Variants in RASEF observed in about 807,000 individuals in gnomAD.
RASEF encodes the protein RAS and EF-hand domain containing.
RASEF carries 68 observed loss-of-function variants against 90.1 expected under a neutral mutation model. That is an observed-to-expected ratio of 0.75 (90% CI 0.62 to 0.92). The LOEUF is 0.92. RASEF is among the 40% of genes least tolerant of loss of function. The probability of loss-of-function intolerance (pLI) is 0.00; values close to 1 mark genes in which losing one functional copy is unlikely to be tolerated. For missense variants in RASEF, 949 were observed against 937.2 expected (o/e 1.01, Z -0.16); for synonymous variants, 331 against 345.2 (o/e 0.96, Z 0.46).
At chr9:83,140,602 G>T in the RASEF span, among the ~76,000 whole-genome samples, 1 of 152,104 alleles carries the variant, frequency 6.6e-6, no homozygotes, top group African/African-American at 2.4e-5. Flanking sequence ...GGTCCTATCA[G>T]CTGGCAAACA....
chr9:82,999,591 G>T (rs888211419), intron 12 of RASEF, among the ~76,000 whole-genome samples: 1 of 151,776 alleles, frequency 6.6e-6, no homozygotes, highest in Non-Finnish European at 1.5e-5. Flanking sequence ...CATCTGATTG[G>T]CTAAGCAGAT....
chr9:83,131,386 C>T, the RASEF span, among the ~76,000 whole-genome samples: 86 of 152,280 alleles, frequency 5.6e-4, no homozygotes, highest in African/African-American at 2.0e-3. Context: ...ATCCAAAAGG[C>T]AGACTTGAGG....
intron 5 of RASEF, among the ~76,000 whole-genome samples, chr9:83,010,416 A>G (rs902549556): frequency 6.6e-6 from 1 of 152,206 alleles, no homozygotes; most frequent in Middle Eastern, 3.2e-3. Flanking sequence ...ATGCACTTCT[A>G]GAAAGTGGAA....
At chr9:83,211,153 T>A in the RASEF span, among the ~76,000 whole-genome samples, 1 of 152,334 alleles carries the variant, frequency 6.6e-6, no homozygotes, top group Non-Finnish European at 1.5e-5. Context: ...TTGCCATGCC[T>A]CTTTAGTCTC....
At chr9:83,113,530 A>C in the RASEF span, among the ~76,000 whole-genome samples, 3 of 152,222 alleles carry the variant, frequency 2.0e-5, no homozygotes, top group Non-Finnish European at 2.9e-5. Context: ...TTCTTCTTGC[A>C]GAAAGCTTAT....
chr9:82,990,718 T>C (rs1190098674), intron 15 of RASEF, among the ~76,000 whole-genome samples: 1 of 152,172 alleles, frequency 6.6e-6, no homozygotes, highest in African/African-American at 2.4e-5. Context: ...TGTTTGAAGG[T>C]TTTTATTTCC....
chr9:83,185,435 C>T, the RASEF span, among the ~76,000 whole-genome samples: 401 of 151,434 alleles, frequency 2.6e-3, no homozygotes, highest in African/African-American at 9.2e-3. Flanking sequence ...GATCCTCCTG[C>T]CTTAGCCTTC....
chr9:83,132,671 T>C, the RASEF span, among the ~76,000 whole-genome samples: 1 of 152,206 alleles, frequency 6.6e-6, no homozygotes, highest in South Asian at 2.1e-4. Flanking sequence ...ATGAGCATGT[T>C]CATCTTCAAG....
At chr9:83,005,330 C>T (rs1829109518) in intron 8 of RASEF, 86 bp downstream of exon 8, 4 of 960,174 alleles carry the variant, frequency 4.2e-6, no homozygotes, top group Non-Finnish European at 6.7e-6. Context: ...TGAGGCTCTC[C>T]TTTAAGAAAT....
At chr9:83,005,570 C>G in intron 7 of RASEF, 70 bp from the exon 8 acceptor site, 1 of 1,128,602 alleles carries the variant, frequency 8.9e-7, no homozygotes, top group Non-Finnish European at 1.4e-6. Context: ...TCATCACTTT[C>G]TTTTCTAGCT....
the RASEF span, among the ~76,000 whole-genome samples, chr9:83,186,127 T>C: frequency 6.6e-6 from 1 of 152,184 alleles, no homozygotes; most frequent in Non-Finnish European, 1.5e-5. Context: ...TGGCTGTGTT[T>C]CTGTAAAATT....
the RASEF span, among the ~76,000 whole-genome samples, chr9:83,160,453 G>C: frequency 6.6e-6 from 1 of 152,178 alleles, no homozygotes; most frequent in Admixed American, 6.5e-5. Flanking sequence ...TTGAACTTGA[G>C]AGAGATGATT....
At position 82,980,723 on chromosome 9, in the gene RASEF, A is replaced by C. The variant is rs1192804399; in HGVS notation, c.*1954T>G. ...CCAATGTCATCAAAAGATGCCACTA[A>C]GACAAACAGCCATGGCAAAAGTTTT... is the stretch of plus-strand genomic sequence containing the variant. On this transcript the variant is annotated 3_prime_UTR_variant, in exon 17 of 17. Coordinates refer to ENST00000376447, the MANE Select transcript of RASEF (RefSeq NM_152573.4). 1.3e-5 allele frequency: 2 copies of C among 152,254 alleles called. No homozygotes were observed. Among genetic ancestry groups the C allele is most frequent in the African/African-American group, 4.8e-5 (2 of 41,480 alleles). The allele number at this position is 152,254 out of a possible 1,614,324, so 9.4% of individuals were successfully genotyped here.
At chr9:83,142,260 A>T in the RASEF span, among the ~76,000 whole-genome samples, 2 of 152,252 alleles carry the variant, frequency 1.3e-5, no homozygotes, top group African/African-American at 4.8e-5. Context: ...TGTTATGCTC[A>T]TCAAAGGAAG....
the RASEF span, among the ~76,000 whole-genome samples, chr9:83,108,984 C>G: frequency 6.2e-4 from 94 of 152,314 alleles, no homozygotes; most frequent in African/African-American, 2.2e-3. Context: ...AACTGGCAGT[C>G]TCTAGCATCA....
the RASEF span, among the ~76,000 whole-genome samples, chr9:83,109,715 C>T: frequency 2.0e-5 from 3 of 152,074 alleles, no homozygotes; most frequent in Admixed American, 2.0e-4. Flanking sequence ...AAGGAATGTG[C>T]CCCATGCTGA....
At chr9:83,019,832 C>T (rs945095862) in intron 3 of RASEF, among the ~76,000 whole-genome samples, 3 of 152,146 alleles carry the variant, frequency 2.0e-5, no homozygotes, top group Admixed American at 6.5e-5. Context: ...GCATATATTG[C>T]ATGATTCCAC....
chr9:83,092,672 G>T, the RASEF span, among the ~76,000 whole-genome samples: 2 of 152,240 alleles, frequency 1.3e-5, no homozygotes, highest in East Asian at 3.9e-4. Flanking sequence ...GTGTGGAAGG[G>T]GACCCGAGCG....
chr9:83,024,579 G>A (rs77115503), intron 2 of RASEF, among the ~76,000 whole-genome samples: 4,504 of 152,206 alleles, frequency 0.03, 202 homozygotes, highest in African/African-American at 0.1. Flanking sequence ...CTGGAGTTCT[G>A]AGGACCACCC....
Sources: gnomAD v4.1 joint callset for allele counts (sites outside exome capture counted in the v4.1 genomes callset) on GRCh38, gnomAD v4.1.1 for gene constraint, MANE v1.5 for transcripts, NCBI Gene and HGNC (gene_info 2026-07-23, HGNC 2026-07-21) for gene names.